WWOX: variants seen among roughly 807,000 people sequenced by gnomAD.
WWOX encodes WW domain containing oxidoreductase, also known as WW domain-containing oxidoreductase.
In WWOX, 69 loss-of-function variants were observed where a neutral mutation model predicts 46.2. The ratio of observed to expected loss-of-function variants is 1.49; its 90% CI spans 1.23 to 1.82. The LOEUF (loss-of-function observed/expected upper bound fraction) is 1.82, where lower values mean the gene tolerates loss of function less well. WWOX is among the 40% of genes most tolerant of loss of function. The pLI is 0.00. For synonymous variants in WWOX, 359 were observed against 202.6 expected, an observed-to-expected ratio of 1.77 and a Z score of -6.56; for missense variants, 919 against 542.6, an observed-to-expected ratio of 1.69 and a Z score of -6.89.
chr16:78,788,096 G>C lies in WWOX; in HGVS notation c.1056+355344G>C, dbSNP rs569693560. Among the ~76,000 whole-genome samples, 11 of 152,072 alleles carry C rather than the reference G, an allele frequency of 7.2e-5. No individual in the cohort carries two copies. The South Asian group carries it at 2.3e-3, about 32-fold the overall frequency. Reference sequence around the variant, plus strand: ...ACATTTTCTCTCAATCTATGGGTAGGCTTTTTTACTCTTTTTATAGTGTCT... The same window carrying C: ...ACATTTTCTCTCAATCTATGGGTAGCCTTTTTTACTCTTTTTATAGTGTCT... On this transcript the variant is annotated intron_variant, in intron 8 of 8. Transcript: ENST00000566780.
chr16:78,616,121 T>G (rs1228147110), intron 8 of WWOX, among the ~76,000 whole-genome samples: 1 of 152,144 alleles, frequency 6.6e-6, no homozygotes, highest in East Asian at 1.9e-4. Flanking sequence ...CTACCCTGTG[T>G]CTTTGGCCTG....
chr16:78,473,923 G>C (rs577539803), intron 8 of WWOX, among the ~76,000 whole-genome samples: 64 of 152,304 alleles, frequency 4.2e-4, no homozygotes, highest in Non-Finnish European at 8.5e-4. Flanking sequence ...TGATGAGAAA[G>C]TGGCCTCCCT....
At chr16:78,968,083 T>G (rs527566630) in intron 8 of WWOX, among the ~76,000 whole-genome samples, 3 of 148,418 alleles carry the variant, frequency 2.0e-5, no homozygotes, top group African/African-American at 7.8e-5. Flanking sequence ...TATGGCACAG[T>G]GCATGGTCCG....
intron 8 of WWOX, among the ~76,000 whole-genome samples, chr16:78,615,944 G>A (rs1024572918): frequency 3.9e-5 from 6 of 152,052 alleles, no homozygotes; most frequent in South Asian, 2.1e-4. Context: ...TAGAGACAGG[G>A]TTTCACTGTG....
intron 5 of WWOX, among the ~76,000 whole-genome samples, chr16:78,300,037 G>C (rs2080012782): frequency 6.6e-6 from 1 of 152,174 alleles, no homozygotes; most frequent in South Asian, 2.1e-4. Context: ...GAGAAATACA[G>C]ATTGCTGCAT....
In WWOX at chr16:78,701,800, C is replaced by G. The variant is rs115752973; in HGVS notation, c.1056+269048C>G. 9.6e-3 allele frequency among the ~76,000 whole-genome samples: 1,460 copies of G among 151,820 alleles called. 18 individuals carry two copies. The highest frequency in any genetic ancestry group is 0.034 in the African/African-American group (1,406 of 41,342). On this transcript the variant is annotated intron_variant, in intron 8 of 8. Transcript: ENST00000566780. ...GAGATGCAGTCTGCTGAGCTGCCAT[C>G]TGGGGACACATCTTGAGTTTCTCTC...
intron 5 of WWOX, among the ~76,000 whole-genome samples, chr16:78,362,131 A>G (rs1597100709): frequency 2.0e-5 from 3 of 152,058 alleles, no homozygotes; most frequent in African/African-American, 4.8e-5. Context: ...TCCGGTGGCC[A>G]TAGGCTGGTG....
intron 8 of WWOX, among the ~76,000 whole-genome samples, chr16:79,044,560 G>A (rs2048031801): frequency 6.6e-6 from 1 of 152,184 alleles, no homozygotes; most frequent in South Asian, 2.1e-4. Flanking sequence ...ATGATTGTAA[G>A]CTTCTTGAGA....
chr16:78,992,847 C>G (rs2046915297), intron 8 of WWOX, among the ~76,000 whole-genome samples: 1 of 152,058 alleles, frequency 6.6e-6, no homozygotes, highest in Non-Finnish European at 1.5e-5. Flanking sequence ...CTCCCCAAAC[C>G]TTCTAAGTAG....
At chr16:78,105,924 C>T (rs557806469) in intron 1 of WWOX, among the ~76,000 whole-genome samples, 2 of 152,182 alleles carry the variant, frequency 1.3e-5, no homozygotes, top group Non-Finnish European at 2.9e-5. Context: ...GCCTCAGCCA[C>T]TCAAGTAGCT....
At chr16:78,350,609 C>T (rs9924108) in intron 5 of WWOX, among the ~76,000 whole-genome samples, 15,431 of 120,548 alleles carry the variant, frequency 0.13, 4,805 homozygotes, top group Non-Finnish European at 0.15. Context: ...TTTCAAGGGT[C>T]ATTCATGTTG....
At chr16:78,381,902 G>A (rs954969426) in intron 5 of WWOX, among the ~76,000 whole-genome samples, 1 of 152,130 alleles carries the variant, frequency 6.6e-6, no homozygotes, top group African/African-American at 2.4e-5. Flanking sequence ...GTCTTGTTCT[G>A]TTGCCCAGGC....
At chr16:78,871,237 AAG>A (rs1333318318) in intron 8 of WWOX, among the ~76,000 whole-genome samples, 1 of 152,074 alleles carries the variant, frequency 6.6e-6, no homozygotes, top group African/African-American at 2.4e-5. Flanking sequence ...CTAAGACAGA[AAG>A]AGGGGGGATT....
chr16:78,797,420 G>C (rs977904119), intron 8 of WWOX, among the ~76,000 whole-genome samples: 2 of 148,960 alleles, frequency 1.3e-5, no homozygotes, highest in Non-Finnish European at 3.0e-5. Context: ...ACAGGTACGA[G>C]CTTGTAGTCA....
intron 8 of WWOX, among the ~76,000 whole-genome samples, chr16:78,766,714 C>G (rs1305600560): frequency 1.2e-4 from 19 of 152,224 alleles, no homozygotes; most frequent in Non-Finnish European, 1.5e-5. Flanking sequence ...TGAACAGGCT[C>G]AGAGCAAGGG....
At position 78,128,244 on chromosome 16, in the gene WWOX, A is replaced by G. The variant is rs553022585; in HGVS notation, c.409+13090A>G. 2.4e-4 allele frequency among the ~76,000 whole-genome samples: 37 copies of G among 152,128 alleles called. 1 individual carries two copies. In the South Asian group the frequency reaches 7.7e-3, roughly 32 times the overall value. ...AGAGGTTTCTGCAAATATCTTCTTC[A>G]GGGTTTACGAAGTGAACCGGATGTC... On this transcript the variant is annotated intron_variant, in intron 4 of 8. Transcript: ENST00000566780.
At chr16:79,083,549 G>A (rs1174487892) in intron 8 of WWOX, among the ~76,000 whole-genome samples, 2 of 152,158 alleles carry the variant, frequency 1.3e-5, no homozygotes, top group South Asian at 4.1e-4. Context: ...CCTCACACCA[G>A]TGTTGTTTTA....
chr16:78,655,366 C>T (rs951749308), intron 8 of WWOX, among the ~76,000 whole-genome samples: 8 of 152,340 alleles, frequency 5.3e-5, no homozygotes, highest in Non-Finnish European at 1.0e-4. Flanking sequence ...TTGGCTTGAT[C>T]TCCTCAGCCT....
intron 8 of WWOX, among the ~76,000 whole-genome samples, chr16:78,695,480 A>T (rs1231356891): frequency 1.3e-5 from 2 of 152,142 alleles, no homozygotes; most frequent in Non-Finnish European, 2.9e-5. Context: ...CTTTCATGAT[A>T]GAAGTAGGTC....
Sources: allele counts gnomAD v4.1 joint callset (sites outside exome capture counted in the v4.1 genomes callset), GRCh38; gene constraint gnomAD v4.1.1; transcripts MANE v1.5; gene names NCBI Gene and HGNC (gene_info 2026-07-23, HGNC 2026-07-21).